Variants in ZSWIM2 observed in about 807,000 individuals in gnomAD.
The protein encoded by ZSWIM2 is zinc finger SWIM-type containing 2.
ZSWIM2 carries 38 observed loss-of-function variants against 48.4 expected under a neutral mutation model. The observed-to-expected ratio is 0.79, with a 90% CI of 0.61 to 1.03. The LOEUF (loss-of-function observed/expected upper bound fraction) is 1.03. Among genes scored for constraint, ZSWIM2 ranks in the 50% least tolerant of loss-of-function variants. The pLI is 0.00. For missense variants in ZSWIM2, 776 were observed against 730.2 expected, an observed-to-expected ratio of 1.06 and a Z score of -0.72; for synonymous variants, 240 against 251.3, an observed-to-expected ratio of 0.96 and a Z score of 0.42.
At chr2:186,833,748 T>G (rs1691744810) in intron 6 of ZSWIM2, among the ~76,000 whole-genome samples, 198 bp downstream of exon 6, 1 of 152,212 alleles carries the variant, frequency 6.6e-6, no homozygotes, top group Non-Finnish European at 1.5e-5. Flanking sequence ...TTAGATTTTA[T>G]AAATTACCAG....
chr2:186,839,542 G>A (rs1691865335), intron 3 of ZSWIM2, among the ~76,000 whole-genome samples: 2 of 151,608 alleles, frequency 1.3e-5, no homozygotes, highest in Admixed American at 1.3e-4. Flanking sequence ...AATGGGACAT[G>A]AATACATGAG....
At position 186,839,154 on chromosome 2, in the gene ZSWIM2, C is replaced by G. The variant is rs144891049; in HGVS notation, c.299G>C (p.Gly100Ala). ...GTCACTTATCTCTCTTTCTCCAAGA[C>G]CCAGTTGTAAAGCAGCTAGTGAGAA... ...PRNHESALQLGLGEREISDLL... is the reference protein window; with the variant it reads ...PRNHESALQLALGEREISDLL... Residue 100 changes from glycine (G) to alanine (A), a missense_variant, in exon 4 of 9, where the codon GGT (glycine) becomes GCT (alanine). Coordinates refer to ENST00000295131, the MANE Select transcript of ZSWIM2 (RefSeq NM_182521.3). 466 of 1,610,788 alleles carry G rather than the reference C, an allele frequency of 2.9e-4. No individual in the cohort carries two copies. Among genetic ancestry groups the G allele is most frequent in the Non-Finnish European group, 3.7e-4 (433 of 1,177,876 alleles).
chr2:186,828,128 A>G lies in ZSWIM2; in HGVS notation c.1758T>C (p.Ala586=). 6.2e-7 allele frequency: 1 copy of G among 1,613,562 alleles called. No individual in the cohort carries two copies. The highest frequency in any genetic ancestry group is 8.5e-7 in the Non-Finnish European group (1 of 1,179,696). Residue 586 remains alanine (A), a synonymous_variant, in exon 9 of 9, where the codon GCT becomes GCC. Coordinates refer to ENST00000295131, the MANE Select transcript of ZSWIM2 (RefSeq NM_182521.3). ...DFNLIVNWST[A]KLSLSKRYSN... ...TATACCTTTTAGACAAACTAAGTTT[A>G]GCTGTGCTCCAATTGACAATAAGAT... is the stretch of plus-strand genomic sequence containing the variant.
Position 186,828,604 on chromosome 2 carries a change from C to A in ZSWIM2, c.1282G>T (p.Gly428Cys), listed in dbSNP as rs771118214. The change falls in exon 9 of 9, where the codon GGT becomes TGT. Residue 428 changes from glycine (G) to cysteine (C), a missense_variant. Coordinates refer to ENST00000295131, the MANE Select transcript of ZSWIM2 (RefSeq NM_182521.3). The part of the protein sequence containing the change: ...KQKEPDLFIP[G>C]TGLVLKQNRL... ...TTTTGTTTTAAGACTAATCCAGTAC[C>A]AGGAATAAAAAGATCTGGTTCTTTC... 20 of 1,612,464 alleles carry A rather than the reference C, an allele frequency of 1.2e-5. No individual in the cohort carries two copies. The highest frequency in any genetic ancestry group is 1.7e-5 in the Non-Finnish European group (20 of 1,179,348).
rs72348328 is a variant in ZSWIM2 at position 186,837,612 on chromosome 2, GTATA to G, written c.495-62_495-59del. 3.7e-3 allele frequency: 1,792 copies of G among 486,902 alleles called. 20 individuals are homozygous for G. Among genetic ancestry groups the G allele is most frequent in the African/African-American group, 0.027 (1,256 of 47,150 alleles). 30.2% of individuals were successfully genotyped at this position (486,902 alleles called of 1,614,324 possible). A position where few individuals can be genotyped will look rare whatever the true frequency, so the allele number is the denominator to read the frequency against. On this transcript the variant is annotated intron_variant, in intron 4 of 8. Transcript: ENST00000295131. ...TATAGAGCAGTTTTACATATCCATTGTATATATATATATATATTATATATATATT... is the reference window on the plus strand; with the variant it reads ...TATAGAGCAGTTTTACATATCCATTGTATATATATATATTATATATATATT...
In ZSWIM2 at chr2:186,837,308, A is replaced by G. The variant is rs763048931; in HGVS notation, c.741T>C (p.Tyr247=). ...CKQFPIEGKC[Y]KCTECIEYHL... is the part of the protein sequence containing the mutation. ...TATAATTTACGGATAACACTTACTT[A>G]TAACACTTCCCCTCAATTGGAAACT... Residue 247 remains tyrosine, a splice_region_variant and synonymous_variant, in exon 5 of 9, where the codon TAT becomes TAC. Coordinates refer to ENST00000295131, the MANE Select transcript of ZSWIM2 (RefSeq NM_182521.3). 1 of 1,612,470 alleles carries G rather than the reference A, an allele frequency of 6.2e-7. No homozygotes were observed. Among genetic ancestry groups the G allele is most frequent in the South Asian group, 1.1e-5 (1 of 91,028 alleles).
chr2:186,828,218 CT>C lies in ZSWIM2; in HGVS notation c.1667del (p.Lys556ArgfsTer8). 1 of 1,613,140 alleles carries C rather than the reference CT, an allele frequency of 6.2e-7. No homozygotes were observed. Among genetic ancestry groups the C allele is most frequent in the Non-Finnish European group, 8.5e-7 (1 of 1,179,510 alleles). ...KGCKCNNHNL[K>X]KTPATKIRED... ...CTCTTATTTTAGTGGCAGGAGTCTT[CT>C]TTAGGTTGTGGTTATTACATTTACA... On this transcript the variant is annotated frameshift_variant, in exon 9 of 9. Transcript: ENST00000295131. LOFTEE classifies it low-confidence loss of function (END_TRUNC).
intron 4 of ZSWIM2, 69 bp downstream of exon 4, chr2:186,838,890 G>T: frequency 7.1e-7 from 1 of 1,413,868 alleles, no homozygotes. Flanking sequence ...TGTCTCCTAA[G>T]GTAATAAATC....
rs1443727343 is a variant in ZSWIM2, at chr2:186,848,970, A to C, written c.161T>G (p.Phe54Cys). Residue 54 changes from phenylalanine to cysteine, a missense_variant, in exon 1 of 9, where the codon TTC becomes TGC. By Grantham distance (205) the Phe-to-Cys change is radical. Coordinates refer to ENST00000295131, the MANE Select transcript of ZSWIM2 (RefSeq NM_182521.3). ...LREEEPEYMDFRVFLGNPHVC... is the reference protein window; with the variant it reads ...LREEEPEYMDCRVFLGNPHVC... ...GGCGGTAGGGGCGGTAGTTACTCGG[A>C]AATCCATGTATTCCGGCTCCTCCTC... 6.2e-7 allele frequency: 1 copy of C among 1,613,972 alleles called. No individual in the cohort carries two copies. The highest frequency in any genetic ancestry group is 8.5e-7 in the Non-Finnish European group (1 of 1,179,950).
intron 5 of ZSWIM2, among the ~76,000 whole-genome samples, chr2:186,836,384 C>G (rs1691793607): frequency 6.6e-6 from 1 of 152,080 alleles, no homozygotes; most frequent in Admixed American, 6.6e-5. Context: ...TCCCTAGGAG[C>G]CTTCTCAGGC....
intron 3 of ZSWIM2, among the ~76,000 whole-genome samples, chr2:186,841,835 C>T (rs1187837535): frequency 6.6e-6 from 1 of 151,034 alleles, no homozygotes; most frequent in Non-Finnish European, 1.5e-5. Context: ...AAGTTTACAT[C>T]TTTCTGGTGA....
At chr2:186,846,827 A>C (rs1692012754) in intron 2 of ZSWIM2, among the ~76,000 whole-genome samples, 1 of 142,454 alleles carries the variant, frequency 7.0e-6, no homozygotes, top group South Asian at 2.3e-4. Flanking sequence ...ATATATATAT[A>C]ATGTAATAGA....
At chr2:186,835,800 C>T (rs1417032522) in intron 5 of ZSWIM2, among the ~76,000 whole-genome samples, 1 of 152,108 alleles carries the variant, frequency 6.6e-6, no homozygotes, top group Non-Finnish European at 1.5e-5. Flanking sequence ...TGGAGTCACA[C>T]ACATTGAAAA....
In ZSWIM2 at chr2:186,846,808, C is replaced by CATATATATATATATAT. The variant is rs1264213432; in HGVS notation, c.242+910_242+911insATATATATATATATAT. 7.3e-3 allele frequency among the ~76,000 whole-genome samples: 366 copies of CATATATATATATATAT among 50,202 alleles called. 4 individuals are homozygous for CATATATATATATATAT. The highest frequency in any genetic ancestry group is 0.018 in the African/African-American group (338 of 18,584). The allele number at this position is 50,202 out of a possible 152,430, so 32.9% of individuals were successfully genotyped here. A position where few individuals can be genotyped will look rare whatever the true frequency, so the allele number is the denominator to read the frequency against. ...AAACATATATATATACACACACACA[C>CATATATATATATATAT]ACATATATATATATATATAATGTAA... is the stretch of plus-strand genomic sequence containing the variant. On this transcript the variant is annotated intron_variant, in intron 2 of 8. Coordinates refer to ENST00000295131, the MANE Select transcript of ZSWIM2 (RefSeq NM_182521.3).
At chr2:186,831,501 G>A (rs1444467105) in intron 7 of ZSWIM2, among the ~76,000 whole-genome samples, 6 of 151,610 alleles carry the variant, frequency 4.0e-5, no homozygotes, top group East Asian at 3.9e-4. Context: ...TTAAAAAGTC[G>A]TGACCCAGCC....
intron 5 of ZSWIM2, 25 bp downstream of exon 5, chr2:186,837,281 C>T (rs939003472): frequency 1.2e-6 from 2 of 1,607,470 alleles, no homozygotes; most frequent in East Asian, 4.5e-5. Context: ...AGAACACATG[C>T]TTATAATTTA....
intron 7 of ZSWIM2, among the ~76,000 whole-genome samples, chr2:186,832,786 T>C (rs1691726224): frequency 6.6e-6 from 1 of 152,174 alleles, no homozygotes; most frequent in Non-Finnish European, 1.5e-5. Context: ...TTTGAATATT[T>C]ATTGTGTTTG....
chr2:186,846,810 C>CATATATATATATAT (rs36111849), intron 2 of ZSWIM2, among the ~76,000 whole-genome samples: 69 of 143,752 alleles, frequency 4.8e-4, no homozygotes, highest in South Asian at 1.3e-3. Context: ...CACACACACA[C>CATATATATATATAT]ATATATATAT....
intron 7 of ZSWIM2, among the ~76,000 whole-genome samples, chr2:186,832,775 A>G (rs940785687): frequency 6.6e-6 from 1 of 152,136 alleles, no homozygotes; most frequent in Non-Finnish European, 1.5e-5. Context: ...AGATAACATT[A>G]TTTGAATATT....
Sources: gnomAD v4.1 joint callset for allele counts (sites outside exome capture counted in the v4.1 genomes callset) on GRCh38, gnomAD v4.1.1 for gene constraint, MANE v1.5 for transcripts, NCBI Gene and HGNC (gene_info 2026-07-23, HGNC 2026-07-21) for gene names.